The following SERPINB9 variants were observed in gnomAD, a reference collection of about 807,000 sequenced individuals.
SERPINB9 encodes the protein serpin family B member 9, also known as serpin B9.
In SERPINB9, 20 loss-of-function variants were observed where a neutral mutation model predicts 27.2. That is an observed-to-expected ratio of 0.74 (90% CI 0.52 to 1.07). The LOEUF is 1.07. Among genes scored for constraint, SERPINB9 ranks in the 50% least tolerant of loss-of-function variants. The pLI is 0.00. For missense variants in SERPINB9, 476 were observed against 460.1 expected, an observed-to-expected ratio of 1.03 and a Z score of -0.32; for synonymous variants, 189 against 180.0, an observed-to-expected ratio of 1.05 and a Z score of -0.40.
intron 1 of SERPINB9, 30 bp from the exon 2 acceptor site, chr6:2,900,651 T>C (rs1330045516): frequency 6.3e-7 from 1 of 1,593,584 alleles, no homozygotes; most frequent in East Asian, 2.2e-5. Context: ...AGAAATGCAG[T>C]TTCCACACTC....
intron 2 of SERPINB9, among the ~76,000 whole-genome samples, chr6:2,896,732 A>G (rs1057263813): frequency 4.6e-5 from 7 of 152,260 alleles, no homozygotes; most frequent in Non-Finnish European, 1.0e-4. Flanking sequence ...TCTAACTTCA[A>G]TGTAGTAACA....
Position 2,890,163 on chromosome 6 carries a change from T to G in SERPINB9, c.1131A>C (p.Ter377TyrextTer49). The stretch of plus-strand genomic sequence containing the variant: ...GCCGAGTGCACGGTAAGTGCACCCT[T>G]TATGGCGATGAGAACCTGCCACAGA... The part of the protein sequence containing the change: ...ILFCGRFSSP[*>Y] Residue 377 changes from the stop codon to tyrosine, a stop_lost, in exon 7 of 7, where the codon TAA becomes TAC. Transcript: ENST00000380698. This position sits in a 1 kb window ranked among gnomAD's most constrained non-coding sequence, Gnocchi z 6.2. 1 of 1,612,204 alleles carries G rather than the reference T, an allele frequency of 6.2e-7. No individual in the cohort carries two copies. The highest frequency in any genetic ancestry group is 1.1e-5 in the South Asian group (1 of 91,028).
chr6:2,890,147 A>G lies in SERPINB9; in HGVS notation c.*16T>C, dbSNP rs759276132. Reference sequence around the variant, plus strand: ...CAGGAAGAGGGAAATGGCCGAGTGCACGGTAAGTGCACCCTTTATGGCGAT... The same window carrying G: ...CAGGAAGAGGGAAATGGCCGAGTGCGCGGTAAGTGCACCCTTTATGGCGAT... On this transcript the variant is annotated 3_prime_UTR_variant, in exon 7 of 7. Coordinates refer to ENST00000380698, the MANE Select transcript of SERPINB9 (RefSeq NM_004155.6). This position sits in a 1 kb window ranked among gnomAD's most constrained non-coding sequence, Gnocchi z 6.2. 1.2e-6 allele frequency: 2 copies of G among 1,600,492 alleles called. No homozygotes were observed. Among genetic ancestry groups the G allele is most frequent in the Non-Finnish European group, 1.7e-6 (2 of 1,170,844 alleles).
chr6:2,893,860 G>A (rs1029602557), intron 4 of SERPINB9, among the ~76,000 whole-genome samples: 13 of 152,122 alleles, frequency 8.5e-5, no homozygotes, highest in African/African-American at 3.1e-4. Flanking sequence ...GGCTGAAGGG[G>A]TGTTTGTCTC....
At chr6:2,900,885 T>TCTCACA (rs61100591) in intron 1 of SERPINB9, among the ~76,000 whole-genome samples, 15 of 141,570 alleles carry the variant, frequency 1.1e-4, no homozygotes, top group South Asian at 9.0e-4. Context: ...GCTCGCTCTC[T>TCTCACA]CACACACACA....
chr6:2,902,375 C>G (rs936283684), intron 1 of SERPINB9, among the ~76,000 whole-genome samples: 4 of 152,340 alleles, frequency 2.6e-5, no homozygotes, highest in African/African-American at 9.6e-5. Flanking sequence ...CAGGCGAGCG[C>G]TGAGCCTGGC....
rs753612718 is a variant in SERPINB9 at position 2,891,958 on chromosome 6, GAT to G, written c.596_597del (p.Tyr199SerfsTer6). The G allele has an allele frequency of 6.2e-7, 1 of 1,613,622 alleles. No homozygotes were observed. The part of the protein sequence containing the change: ...QEEQRPVQMM[Y>X]QEATFKLAHV... ...TGGGCGAGCTTAAACGTGGCCTCCT[GAT>G]ACATCATCTGCACTGGCCTTTGCTC... On this transcript the variant is annotated frameshift_variant, in exon 6 of 7. Coordinates refer to ENST00000380698, the MANE Select transcript of SERPINB9 (RefSeq NM_004155.6). LOFTEE classifies it high-confidence loss of function. This position sits in a 1 kb window ranked among gnomAD's most constrained non-coding sequence, Gnocchi z 4.0.
At chr6:2,902,689 T>C (rs73345448) in intron 1 of SERPINB9, among the ~76,000 whole-genome samples, 2,736 of 152,094 alleles carry the variant, frequency 0.018, 79 homozygotes, top group African/African-American at 0.062. Context: ...GGCTAATTTC[T>C]GTATTTTTAG....
Position 2,887,791 on chromosome 6 carries a change from G to C in SERPINB9, c.*2372C>G, listed in dbSNP as rs1236989514. ...GAATCCAGGAGGAGGAGGTTGCAGT[G>C]AGCCCAGATCATGCCACTACACTCC... On this transcript the variant is annotated 3_prime_UTR_variant, in exon 7 of 7. Transcript: ENST00000380698. The C allele has an allele frequency of 1.4e-5, 2 of 145,460 alleles. No homozygotes were observed. Among genetic ancestry groups the C allele is most frequent in the African/African-American group, 5.1e-5 (2 of 38,966 alleles). The allele number at this position is 145,460 out of a possible 1,614,324, so 9.0% of individuals were successfully genotyped here.
intron 2 of SERPINB9, among the ~76,000 whole-genome samples, chr6:2,899,146 A>G (rs916614304): frequency 5.9e-5 from 9 of 152,150 alleles, no homozygotes; most frequent in African/African-American, 1.7e-4. Flanking sequence ...GGTGCTCTCA[A>G]AAAAGCTTTC....
Position 2,890,541 on chromosome 6 carries a change from G to C in SERPINB9, c.753C>G (p.Leu251=). The part of the protein sequence containing the change: ...TVEKSLTFEK[L]TAWTKPDCMK... ...TACAGTCTGGCTTGGTCCAGGCTGT[G>C]AGTTTCTCAAAAGTGAGACTTTTTT... is the stretch of plus-strand genomic sequence containing the variant. Residue 251 remains leucine, a synonymous_variant, in exon 7 of 7, where the codon CTC becomes CTG. Transcript: ENST00000380698. The surrounding 1 kb of genome is among the most constrained non-coding windows in gnomAD (Gnocchi z 6.2). 3.1e-6 allele frequency: 5 copies of C among 1,608,842 alleles called. No individual in the cohort carries two copies. Among genetic ancestry groups the C allele is most frequent in the Non-Finnish European group, 4.3e-6 (5 of 1,175,864 alleles).
rs750637209 is a variant in SERPINB9, at chr6:2,896,170, C to T, written c.189G>A (p.Glu63=). The change falls in exon 3 of 7, where the codon GAG becomes GAA. Residue 63 remains glutamate, a synonymous_variant. Transcript: ENST00000380698. The part of the protein sequence containing the change: ...QMAQALSLNT[E]EDIHRAFQSL... ...ACTGGAAAGCCCGATGAATGTCTTC[C>T]TCTGTGTTTAAAGACAGTGCCTGTT... The T allele has an allele frequency of 1.2e-6, 2 of 1,613,900 alleles. No individual in the cohort carries two copies. The highest frequency in any genetic ancestry group is 1.7e-6 in the Non-Finnish European group (2 of 1,179,928).
In SERPINB9 at chr6:2,890,391, C is replaced by T. The variant is rs1318517581; in HGVS notation, c.903G>A (p.Ser301=). Residue 301 remains serine (S), a synonymous_variant, in exon 7 of 7, where the codon TCG becomes TCA. Transcript: ENST00000380698. This position sits in a 1 kb window ranked among gnomAD's most constrained non-coding sequence, Gnocchi z 6.2. ...ACAGGTCTCTCTCCGCTGACATTGCCGACAAGTCAGCCTTGCCCTGTTGGA... is the reference window on the plus strand; with the variant it reads ...ACAGGTCTCTCTCCGCTGACATTGCTGACAAGTCAGCCTTGCCCTGTTGGA... The part of the protein sequence containing the change: ...DAFQQGKADL[S]AMSAERDLCL... The T allele has an allele frequency of 3.1e-6, 5 of 1,614,168 alleles. No homozygotes were observed. Among genetic ancestry groups the T allele is most frequent in the African/African-American group, 1.3e-5 (1 of 75,044 alleles).
Position 2,896,159 on chromosome 6 carries a change from T to G in SERPINB9, c.200A>C (p.His67Pro). Reference sequence around the variant, plus strand: ...AGTGAGAAGCGACTGGAAAGCCCGATGAATGTCTTCCTCTGTGTTTAAAGA... The same window carrying G: ...AGTGAGAAGCGACTGGAAAGCCCGAGGAATGTCTTCCTCTGTGTTTAAAGA... The part of the protein sequence containing the change: ...ALSLNTEEDI[H>P]RAFQSLLTEV... Residue 67 changes from histidine (H) to proline (P), a missense_variant, in exon 3 of 7, where the codon CAT becomes CCT. His to Pro is a moderately conservative substitution (Grantham distance 77). Coordinates refer to ENST00000380698, the MANE Select transcript of SERPINB9 (RefSeq NM_004155.6). The G allele has an allele frequency of 6.2e-7, 1 of 1,614,098 alleles. No homozygotes were observed. The highest frequency in any genetic ancestry group is 8.5e-7 in the Non-Finnish European group (1 of 1,179,974).
At chr6:2,897,309 T>G (rs1005339718) in intron 2 of SERPINB9, among the ~76,000 whole-genome samples, 5 of 151,924 alleles carry the variant, frequency 3.3e-5, no homozygotes, top group Non-Finnish European at 5.9e-5. Context: ...CTACTAAAAA[T>G]ACGAAAATTA....
At chr6:2,895,587 T>G in intron 3 of SERPINB9, 79 bp from the exon 4 acceptor site, 1 of 830,366 alleles carries the variant, frequency 1.2e-6, no homozygotes, top group South Asian at 1.5e-5. Context: ...CTAAATATGT[T>G]ATCTTTTTTT....
At position 2,894,136 on chromosome 6, in the gene SERPINB9, G is replaced by A. The variant is rs1767917231; in HGVS notation, c.425-583C>T. On this transcript the variant is annotated intron_variant, in intron 4 of 6. Transcript: ENST00000380698. The surrounding 1 kb of genome is among the most constrained non-coding windows in gnomAD (Gnocchi z 4.7). ...CTTTCCCTGGAGATCAAGTGGTACT[G>A]TTTCAATGAACTGAGGGCATCCCTG... Among the ~76,000 whole-genome samples the A allele has an allele frequency of 1.3e-5, 2 of 152,146 alleles. No homozygotes were observed. Among genetic ancestry groups the A allele is most frequent in the Non-Finnish European group, 2.9e-5 (2 of 68,036 alleles).
At chr6:2,899,045 A>T (rs1768104502) in intron 2 of SERPINB9, among the ~76,000 whole-genome samples, 2 of 152,182 alleles carry the variant, frequency 1.3e-5, no homozygotes. Flanking sequence ...ACGTGTACTC[A>T]GTATGTTTGG....
chr6:2,898,307 A>G (rs1028730737), intron 2 of SERPINB9, among the ~76,000 whole-genome samples: 5 of 152,244 alleles, frequency 3.3e-5, no homozygotes, highest in African/African-American at 4.8e-5. Context: ...TAGACAGCTC[A>G]TAGACTGTTG....
Sources: gnomAD v4.1 joint callset for allele counts (sites outside exome capture counted in the v4.1 genomes callset) on GRCh38, gnomAD v4.1.1 for gene constraint, Gnocchi (gnomAD v3.1) non-coding constraint, MANE v1.5 for transcripts, NCBI Gene and HGNC (gene_info 2026-07-23, HGNC 2026-07-21) for gene names.